SAMD3: variants seen among roughly 807,000 people sequenced by gnomAD.
SAMD3 encodes the protein sterile alpha motif domain-containing protein 3.
SAMD3 carries 63 observed loss-of-function variants against 58.5 expected under a neutral mutation model. The observed-to-expected ratio is 1.08, with a 90% CI of 0.88 to 1.33. The LOEUF is 1.33. Ranked by LOEUF, SAMD3 falls within the 40% of genes most tolerant of loss-of-function variation. The pLI is 0.00. For missense variants in SAMD3, 604 were observed against 608.4 expected (o/e 0.99, Z 0.08); for synonymous variants, 220 against 210.3 (o/e 1.05, Z -0.40).
chr6:130,221,043 A>G (rs368008748), intron 1 of SAMD3, among the ~76,000 whole-genome samples: 2 of 151,720 alleles, frequency 1.3e-5, no homozygotes, highest in East Asian at 1.9e-4. Flanking sequence ...TTTAGTAGAG[A>G]CGGGGTTTCA....
At chr6:130,287,019 C>G (rs971797766) in intron 2 of SAMD3, among the ~76,000 whole-genome samples, 3 of 152,122 alleles carry the variant, frequency 2.0e-5, no homozygotes, top group African/African-American at 7.2e-5. Context: ...CTTGTTCTAT[C>G]TTTCAAAATC....
At chr6:130,333,396 T>C (rs900309124) in intron 1 of SAMD3, among the ~76,000 whole-genome samples, 1 of 152,164 alleles carries the variant, frequency 6.6e-6, no homozygotes, top group African/African-American at 2.4e-5. Context: ...CCTGATCTCA[T>C]TGCTCCACCT....
chr6:130,157,794 A>G (rs1020425341), intron 8 of SAMD3, among the ~76,000 whole-genome samples: 7 of 152,348 alleles, frequency 4.6e-5, no homozygotes, highest in African/African-American at 1.2e-4. Flanking sequence ...GAAATTGTCA[A>G]TATTCATAGA....
chr6:130,172,862 C>T (rs1253530081), intron 8 of SAMD3, among the ~76,000 whole-genome samples: 1 of 152,152 alleles, frequency 6.6e-6, no homozygotes, highest in African/African-American at 2.4e-5. Context: ...TATGTTTGTT[C>T]TTTTTACATA....
chr6:130,148,136 C>A (rs1337001531), intron 9 of SAMD3, among the ~76,000 whole-genome samples: 1 of 152,142 alleles, frequency 6.6e-6, no homozygotes, highest in African/African-American at 2.4e-5. Flanking sequence ...ATGATTCTTG[C>A]CTGAATCAAG....
chr6:130,304,742 G>A (rs921838334), intron 2 of SAMD3, among the ~76,000 whole-genome samples: 5 of 151,778 alleles, frequency 3.3e-5, no homozygotes, highest in East Asian at 1.9e-4. Context: ...ACTTTAAGTC[G>A]AGATTATAAT....
At chr6:130,356,368 G>A (rs557544958) in intron 1 of SAMD3, among the ~76,000 whole-genome samples, 4 of 152,266 alleles carry the variant, frequency 2.6e-5, no homozygotes, top group African/African-American at 7.2e-5. Context: ...TAAAGCTTCT[G>A]CCTTATTTTA....
chr6:130,275,658 T>A (rs1774749736), intron 2 of SAMD3, among the ~76,000 whole-genome samples: 1 of 152,098 alleles, frequency 6.6e-6, no homozygotes, highest in Non-Finnish European at 1.5e-5. Flanking sequence ...TATTAATATA[T>A]TATAATTATT....
intron 8 of SAMD3, among the ~76,000 whole-genome samples, chr6:130,156,640 G>A (rs1166444614): frequency 6.6e-6 from 1 of 152,014 alleles, no homozygotes; most frequent in Non-Finnish European, 1.5e-5. Flanking sequence ...AAAGATTCGG[G>A]GCAGAAAAGA....
chr6:130,278,864 A>G (rs1774880570), intron 2 of SAMD3, among the ~76,000 whole-genome samples: 2 of 152,182 alleles, frequency 1.3e-5, no homozygotes, highest in African/African-American at 4.8e-5. Flanking sequence ...CCTTAGCTTG[A>G]GTGTATCACT....
At chr6:130,240,510 A>T (rs986051769) in intron 2 of SAMD3, among the ~76,000 whole-genome samples, 6 of 152,182 alleles carry the variant, frequency 3.9e-5, no homozygotes, top group African/African-American at 1.2e-4. Flanking sequence ...AAACAGTCTA[A>T]ATCAATTTAG....
At chr6:130,145,451 A>C (rs1562361093) in intron 10 of SAMD3, 29 bp from the exon 11 acceptor site, 7 of 1,490,696 alleles carry the variant, frequency 4.7e-6, no homozygotes, top group Non-Finnish European at 6.5e-6. Flanking sequence ...TAACATGTGA[A>C]GTAAAAATAA....
intron 1 of SAMD3, among the ~76,000 whole-genome samples, chr6:130,358,978 G>A (rs1777911701): frequency 6.6e-6 from 1 of 152,154 alleles, no homozygotes; most frequent in African/African-American, 2.4e-5. Flanking sequence ...CACAGTTGTT[G>A]AGAGCACAGG....
At chr6:130,226,821 T>C (rs1023143341), upstream of SAMD3, among the ~76,000 whole-genome samples, 6 of 147,906 alleles carry the variant, frequency 4.1e-5, no homozygotes, top group Admixed American at 2.6e-4. Context: ...AGAGCGAAAC[T>C]CTGTCTCAAA....
At chr6:130,235,990 C>T (rs1175748130) in intron 2 of SAMD3, among the ~76,000 whole-genome samples, 1 of 152,048 alleles carries the variant, frequency 6.6e-6, no homozygotes, top group Non-Finnish European at 1.5e-5. Context: ...GGGTTTTGAA[C>T]CTAGAGGTCA....
chr6:130,219,839 G>C (rs1158560017), intron 1 of SAMD3, among the ~76,000 whole-genome samples: 1 of 152,128 alleles, frequency 6.6e-6, no homozygotes, highest in Non-Finnish European at 1.5e-5. Context: ...TATGGCTTAA[G>C]TTATTAAAAT....
At chr6:130,143,956 G>C (rs1254627701), downstream of SAMD3, 1 of 153,104 alleles carries the variant, frequency 6.5e-6, no homozygotes, top group Non-Finnish European at 1.5e-5. Context: ...GTACCAGCAA[G>C]ATCAGCCAGC....
At chr6:130,355,086 C>A (rs2115040069) in intron 1 of SAMD3, among the ~76,000 whole-genome samples, 1 of 152,288 alleles carries the variant, frequency 6.6e-6, no homozygotes, top group Middle Eastern at 3.4e-3. Flanking sequence ...TTGCATCCTA[C>A]ATGCCATCTG....
At chr6:130,213,111 C>T (rs1280114545) in intron 4 of SAMD3, among the ~76,000 whole-genome samples, 1 of 151,948 alleles carries the variant, frequency 6.6e-6, no homozygotes, top group Non-Finnish European at 1.5e-5. Context: ...AGTGAAACCA[C>T]CATTTGTTTA....
Sources: gnomAD v4.1 joint callset for allele counts (sites outside exome capture counted in the v4.1 genomes callset) on GRCh38, gnomAD v4.1.1 for gene constraint, MANE v1.5 for transcripts, NCBI Gene and HGNC (gene_info 2026-07-23, HGNC 2026-07-21) for gene names.